FGF14: variants seen among roughly 807,000 people sequenced by gnomAD.
FGF14 encodes fibroblast growth factor homologous factor 4.
In FGF14, 5 loss-of-function variants were observed where a neutral mutation model predicts 25.5. The observed-to-expected ratio is 0.20, with a 90% CI of 0.10 to 0.41. The LOEUF is 0.41. Among genes scored for constraint, FGF14 ranks in the 10% least tolerant of loss-of-function variants. The pLI, the probability that FGF14 is intolerant of heterozygous loss-of-function variation, is 1.00. For synonymous variants in FGF14, 138 were observed against 118.3 expected, an observed-to-expected ratio of 1.17 and a Z score of -1.08; for missense variants, 222 against 320.1, an observed-to-expected ratio of 0.69 and a Z score of 2.34.
In FGF14 at chr13:102,304,414, C is replaced by T. The variant is rs373018693; in HGVS notation, c.208+97057G>A. ...ACCAGCTCCTGATTCTTCCCTAACACGGGTTCTCTATTCAACCCTAAATAC... is the reference window on the plus strand; with the variant it reads ...ACCAGCTCCTGATTCTTCCCTAACATGGGTTCTCTATTCAACCCTAAATAC... On this transcript the variant is annotated intron_variant, in intron 1 of 4. Transcript: ENST00000376131. Among the ~76,000 whole-genome samples the T allele has an allele frequency of 6.6e-5, 10 of 152,248 alleles. 1 individual carries two copies. The highest frequency in any genetic ancestry group is 4.6e-4 in the Admixed American group (7 of 15,280).
chr13:101,726,818 G>T lies in FGF14; in HGVS notation c.409-8C>A. On this transcript the variant is annotated splice_region_variant and splice_polypyrimidine_tract_variant and intron_variant, in intron 3 of 4. Transcript: ENST00000376143. ...TTCAGGGGTAAAAAGTTCCTGTGGA[G>T]AGAAAATGAAACAAAAGTTAGAGGA... 6.3e-7 allele frequency: 1 copy of T among 1,598,638 alleles called. No individual in the cohort carries two copies. Among genetic ancestry groups the T allele is most frequent in the South Asian group, 1.1e-5 (1 of 90,600 alleles).
intron 3 of FGF14, among the ~76,000 whole-genome samples, chr13:101,819,968 C>A (rs901875978): frequency 6.6e-6 from 1 of 152,164 alleles, no homozygotes; most frequent in African/African-American, 2.4e-5. Flanking sequence ...TTATACTCAT[C>A]ATTTTTCTCA....
chr13:101,955,546 T>A (rs2036460170), intron 1 of FGF14, among the ~76,000 whole-genome samples: 1 of 152,214 alleles, frequency 6.6e-6, no homozygotes, highest in Admixed American at 6.5e-5. Context: ...AAAAATATTA[T>A]AAAATGCATA....
intron 1 of FGF14, among the ~76,000 whole-genome samples, chr13:101,913,981 A>G (rs1390193876): frequency 1.3e-5 from 2 of 152,298 alleles, no homozygotes; most frequent in African/African-American, 4.8e-5. Flanking sequence ...GTATGTATAT[A>G]TAATACCTGC....
At chr13:101,950,225 C>A (rs1444605444) in intron 1 of FGF14, among the ~76,000 whole-genome samples, 2 of 152,056 alleles carry the variant, frequency 1.3e-5, no homozygotes. Flanking sequence ...CCAAGTTACA[C>A]AAAGAATGAA....
intron 3 of FGF14, among the ~76,000 whole-genome samples, chr13:101,738,304 A>G (rs2036313934): frequency 6.6e-6 from 1 of 152,174 alleles, no homozygotes; most frequent in African/African-American, 2.4e-5. Context: ...AAAGGGGTTT[A>G]ATTTTTTCCC....
upstream of FGF14, among the ~76,000 whole-genome samples, chr13:101,918,703 G>A (rs775152166): frequency 2.0e-5 from 3 of 152,216 alleles, no homozygotes; most frequent in Non-Finnish European, 2.9e-5. Flanking sequence ...CTGGGCTGTT[G>A]TTTGTTACCT....
At position 102,060,553 on chromosome 13, in the gene FGF14, C is replaced by T. The variant is rs1363907755; in HGVS notation, c.209-185257G>A. Among the ~76,000 whole-genome samples the T allele has an allele frequency of 5.9e-5, 9 of 152,240 alleles. No individual in the cohort carries two copies. In the South Asian group the frequency reaches 8.3e-4, roughly 14 times the overall value. On this transcript the variant is annotated intron_variant, in intron 1 of 4. Transcript: ENST00000376131. The stretch of plus-strand genomic sequence containing the variant: ...AAAAAGAAGAAATCTAAACTAAACA[C>T]GTTTTACACAGTTATATCACTGCTT...
intron 1 of FGF14, among the ~76,000 whole-genome samples, chr13:102,275,236 C>T (rs937446458): frequency 1.0e-4 from 9 of 88,878 alleles, no homozygotes; most frequent in Admixed American, 4.0e-4. Context: ...AGGCAGATTT[C>T]TCTCTCTCTC....
rs1413125522 is a variant in FGF14 at position 102,032,112 on chromosome 13, C to G, written c.209-156816G>C. Among the ~76,000 whole-genome samples, 16 of 152,162 alleles carry G rather than the reference C, an allele frequency of 1.1e-4. No homozygotes were observed. In the East Asian group the frequency reaches 3.1e-3, roughly 30 times the overall value. On this transcript the variant is annotated intron_variant, in intron 1 of 4. Coordinates refer to the FGF14 transcript ENST00000376131. ...GACTGACTCCAAAACTCCTGCTGGCCCACAGCTCCACATTCTCCTCAGACC... is the reference window on the plus strand; with the variant it reads ...GACTGACTCCAAAACTCCTGCTGGCGCACAGCTCCACATTCTCCTCAGACC...
At chr13:102,279,085 C>T (rs876864) in intron 1 of FGF14, among the ~76,000 whole-genome samples, 118,668 of 152,140 alleles carry the variant, frequency 0.78, 47,252 homozygotes, top group African/African-American at 0.94. Flanking sequence ...TGGAAGAAAA[C>T]TGGACAAATT....
chr13:102,157,065 G>A (rs945116264), intron 1 of FGF14, among the ~76,000 whole-genome samples: 7 of 152,220 alleles, frequency 4.6e-5, no homozygotes, highest in South Asian at 2.1e-4. Flanking sequence ...TCAATATGAC[G>A]AAAATGGCCA....
intron 1 of FGF14, among the ~76,000 whole-genome samples, chr13:102,000,275 T>A (rs1023440368): frequency 6.6e-6 from 1 of 152,108 alleles, no homozygotes; most frequent in African/African-American, 2.4e-5. Flanking sequence ...GCTGAGATTG[T>A]GCCACTGCAC....
intron 1 of FGF14, among the ~76,000 whole-genome samples, chr13:102,243,652 C>CT (rs2051711996): frequency 1.3e-5 from 1 of 78,036 alleles, no homozygotes; most frequent in Non-Finnish European, 2.3e-5. Context: ...TGACTTTGGG[C>CT]ATGTTTTTTT....
chr13:102,284,115 T>C (rs2053976972), intron 1 of FGF14, among the ~76,000 whole-genome samples: 2 of 152,166 alleles, frequency 1.3e-5, no homozygotes. Flanking sequence ...CTGTAGTAAA[T>C]TGGTGCTTTT....
intron 1 of FGF14, among the ~76,000 whole-genome samples, chr13:102,152,508 C>A (rs2047130289): frequency 6.6e-6 from 1 of 152,170 alleles, no homozygotes; most frequent in African/African-American, 2.4e-5. Flanking sequence ...TGGATTAAAG[C>A]CTACGCTGGT....
intron 1 of FGF14, among the ~76,000 whole-genome samples, chr13:102,053,915 A>G (rs1485925561): frequency 6.6e-6 from 1 of 152,142 alleles, no homozygotes; most frequent in Non-Finnish European, 1.5e-5. Context: ...TATCTTTCAC[A>G]TTTAACACAG....
At chr13:102,304,668 A>G (rs902017668) in intron 1 of FGF14, among the ~76,000 whole-genome samples, 1 of 152,144 alleles carries the variant, frequency 6.6e-6, no homozygotes, top group African/African-American at 2.4e-5. Flanking sequence ...TTGCACTTAG[A>G]TTATTCTCTC....
intron 1 of FGF14, among the ~76,000 whole-genome samples, chr13:101,952,958 C>T (rs1019496629): frequency 4.6e-5 from 7 of 152,066 alleles, no homozygotes; most frequent in African/African-American, 9.7e-5. Context: ...TGCTCGAACC[C>T]GGGAGGTAGA....
Sources: gnomAD v4.1 joint callset for allele counts (sites outside exome capture counted in the v4.1 genomes callset) on GRCh38, gnomAD v4.1.1 for gene constraint, MANE v1.5 for transcripts, NCBI Gene and HGNC (gene_info 2026-07-23, HGNC 2026-07-21) for gene names.